The following RFTN2 variants were observed in gnomAD, a reference collection of about 807,000 sequenced individuals.
RFTN2 encodes raftlin-2.
Under a neutral mutation model 52.7 loss-of-function variants are expected in RFTN2, and 34 were observed. That is an observed-to-expected ratio of 0.64 (90% confidence interval 0.49 to 0.86). The LOEUF is 0.86. Ranked by LOEUF, RFTN2 falls within the 40% of genes least tolerant of loss-of-function variation. The pLI, the probability that RFTN2 is intolerant of heterozygous loss-of-function variation, is 0.00. For synonymous variants in RFTN2, 203 were observed against 217.7 expected (o/e 0.93, Z 0.59); for missense variants, 536 against 600.1 (o/e 0.89, Z 1.12).
chr2:197,646,450 C>A (rs568242766), intron 2 of RFTN2, 33 bp downstream of exon 2: 8 of 1,562,960 alleles, frequency 5.1e-6, no homozygotes, highest in Non-Finnish European at 7.0e-6. Flanking sequence ...AACTGTCACC[C>A]TCACCTGCCT....
chr2:197,590,627 AGGC>A (rs1376276587), intron 8 of RFTN2, among the ~76,000 whole-genome samples: 1 of 152,182 alleles, frequency 6.6e-6, no homozygotes, highest in African/African-American at 2.4e-5. Flanking sequence ...TGGTTCTTAA[AGGC>A]GGCGTGTCCG....
intron 1 of RFTN2, among the ~76,000 whole-genome samples, chr2:197,655,520 C>T (rs1250586980): frequency 6.6e-6 from 1 of 152,146 alleles, no homozygotes; most frequent in Non-Finnish European, 1.5e-5. Context: ...CATATTTGAA[C>T]ATAAGCTTAT....
intron 8 of RFTN2, among the ~76,000 whole-genome samples, chr2:197,592,677 G>A (rs909382076): frequency 6.6e-6 from 1 of 152,198 alleles, no homozygotes; most frequent in Non-Finnish European, 1.5e-5. Flanking sequence ...AAACAAAGCA[G>A]TCTTCCCATC....
Position 197,633,722 on chromosome 2 carries a change from T to C in RFTN2, c.714A>G (p.Gly238=). 6.2e-7 allele frequency: 1 copy of C among 1,612,642 alleles called. No individual in the cohort carries two copies. Among genetic ancestry groups the C allele is most frequent in the South Asian group, 1.1e-5 (1 of 90,998 alleles). Reference sequence around the variant, plus strand: ...TCTACTAATCTTGTCTATTACCTTCTCCCTTTCTTGATTTAGAGGAAGTAG... The same window carrying C: ...TCTACTAATCTTGTCTATTACCTTCCCCCTTTCTTGATTTAGAGGAAGTAG... ...GSPTSSKSRK[G]EASDNKLYTV... Residue 238 remains glycine (G), a synonymous_variant, in exon 4 of 9, where the codon GGA becomes GGG. Transcript: ENST00000295049.
chr2:197,620,174 C>T (rs556476135), intron 5 of RFTN2, among the ~76,000 whole-genome samples: 123 of 151,756 alleles, frequency 8.1e-4, no homozygotes, highest in African/African-American at 2.8e-3. Context: ...AATTCTTTAC[C>T]TCAATGATGG....
chr2:197,655,080 C>T (rs1214177974), intron 1 of RFTN2, among the ~76,000 whole-genome samples: 1 of 152,132 alleles, frequency 6.6e-6, no homozygotes, highest in Non-Finnish European at 1.5e-5. Flanking sequence ...AAGGGCTTTA[C>T]ATATGTCATT....
At chr2:197,624,329 G>C (rs2088317221) in intron 5 of RFTN2, among the ~76,000 whole-genome samples, 1 of 152,114 alleles carries the variant, frequency 6.6e-6, no homozygotes, top group South Asian at 2.1e-4. Context: ...GCGTGGCGCG[G>C]TGACTCATGC....
At chr2:197,613,542 AT>A (rs781219533) in intron 7 of RFTN2, among the ~76,000 whole-genome samples, 18 of 152,226 alleles carry the variant, frequency 1.2e-4, no homozygotes, top group Non-Finnish European at 2.4e-4. Context: ...GGTCAACTGT[AT>A]ATAACACTTT....
intron 5 of RFTN2, among the ~76,000 whole-genome samples, chr2:197,623,698 C>T (rs537539789): frequency 6.6e-6 from 1 of 151,836 alleles, no homozygotes; most frequent in African/African-American, 2.4e-5. Context: ...CAGAGTTTTG[C>T]TTTGGTTGCC....
At chr2:197,621,307 C>G (rs1026048790) in intron 5 of RFTN2, among the ~76,000 whole-genome samples, 3 of 151,708 alleles carry the variant, frequency 2.0e-5, no homozygotes, top group Non-Finnish European at 2.9e-5. Flanking sequence ...CTTTGTGGCT[C>G]CAGGTGTGTT....
At chr2:197,657,911 C>G (rs13429970) in intron 1 of RFTN2, among the ~76,000 whole-genome samples, 74,704 of 151,596 alleles carry the variant, frequency 0.49, 19,024 homozygotes, top group African/African-American at 0.59. Context: ...TAAAACCATG[C>G]AGAAATGAGA....
chr2:197,592,762 A>AT (rs963631577), intron 8 of RFTN2, among the ~76,000 whole-genome samples: 3 of 152,202 alleles, frequency 2.0e-5, no homozygotes, highest in Non-Finnish European at 4.4e-5. Flanking sequence ...GACTGCATAA[A>AT]TTTTTTCAAG....
intron 1 of RFTN2, among the ~76,000 whole-genome samples, chr2:197,655,408 G>A (rs769361924): frequency 3.3e-5 from 5 of 152,194 alleles, no homozygotes; most frequent in Non-Finnish European, 5.9e-5. Flanking sequence ...GTTAATGCAA[G>A]AAACACACAC....
At chr2:197,625,729 T>C (rs1173481101) in intron 5 of RFTN2, among the ~76,000 whole-genome samples, 487 of 43,110 alleles carry the variant, frequency 0.011, 4 homozygotes, top group African/African-American at 0.036. Flanking sequence ...CTCCCCTCCC[T>C]TCCCCTCCCC....
At chr2:197,625,663 TCTCTC>T (rs745983424) in intron 5 of RFTN2, among the ~76,000 whole-genome samples, 13,750 of 47,280 alleles carry the variant, frequency 0.29, 2,305 homozygotes, top group Non-Finnish European at 0.35. Flanking sequence ...AAGAAATTCC[TCTCTC>T]CTCTCCTCTC....
intron 7 of RFTN2, among the ~76,000 whole-genome samples, chr2:197,611,849 C>T (rs2088066501): frequency 1.3e-5 from 2 of 152,136 alleles, no homozygotes; most frequent in South Asian, 4.1e-4. Flanking sequence ...ATCTTTATTT[C>T]TGCCTTCGTT....
At chr2:197,655,319 G>A (rs2088879598) in intron 1 of RFTN2, among the ~76,000 whole-genome samples, 1 of 152,158 alleles carries the variant, frequency 6.6e-6, no homozygotes, top group Admixed American at 6.6e-5. Context: ...AATAAGTTCT[G>A]CTTTTCTGGT....
At chr2:197,665,072 C>T (rs2089032596) in intron 1 of RFTN2, among the ~76,000 whole-genome samples, 1 of 152,124 alleles carries the variant, frequency 6.6e-6, no homozygotes, top group Non-Finnish European at 1.5e-5. Flanking sequence ...GTGACTGGAT[C>T]AGTTGAACCC....
chr2:197,617,595 A>G (rs2088166337), intron 6 of RFTN2, among the ~76,000 whole-genome samples: 1 of 151,982 alleles, frequency 6.6e-6, no homozygotes, highest in South Asian at 2.1e-4. Flanking sequence ...TTGGAGAATC[A>G]CCTGAGCCAG....
Sources: allele counts gnomAD v4.1 joint callset (sites outside exome capture counted in the v4.1 genomes callset), GRCh38; gene constraint gnomAD v4.1.1; transcripts MANE v1.5; gene names NCBI Gene and HGNC (gene_info 2026-07-23, HGNC 2026-07-21).